PEX5L: variants seen among roughly 807,000 people sequenced by gnomAD.
PEX5L encodes the protein peroxisomal biogenesis factor 5 like.
In PEX5L, 30 loss-of-function variants were observed where a neutral mutation model predicts 84.0. That is an observed-to-expected ratio of 0.36 (90% CI 0.27 to 0.48). The LOEUF (loss-of-function observed/expected upper bound fraction) is 0.48. PEX5L is among the 20% of genes least tolerant of loss of function. The pLI, the probability that PEX5L is intolerant of heterozygous loss-of-function variation, is 0.99. For missense variants in PEX5L, 533 were observed against 754.6 expected (o/e 0.71, Z 3.44); for synonymous variants, 270 against 283.1 (o/e 0.95, Z 0.46).
chr3:179,860,236 G>A (rs1745550062), intron 7 of PEX5L, among the ~76,000 whole-genome samples: 1 of 152,234 alleles, frequency 6.6e-6, no homozygotes, highest in African/African-American at 2.4e-5. Context: ...CAAGGGATGA[G>A]TGCCCACATA....
At chr3:179,903,739 G>C (rs536014169) in intron 2 of PEX5L, among the ~76,000 whole-genome samples, 25 of 152,172 alleles carry the variant, frequency 1.6e-4, no homozygotes, top group Admixed American at 1.3e-3. Flanking sequence ...GAAAAGGTCA[G>C]GGCAATATTT....
intron 7 of PEX5L, among the ~76,000 whole-genome samples, chr3:179,872,147 G>C (rs1022042372): frequency 6.6e-6 from 1 of 152,172 alleles, no homozygotes; most frequent in Non-Finnish European, 1.5e-5. Context: ...GCCTACCAAA[G>C]TGTTGGGATT....
At chr3:179,971,020 T>C (rs1424325427) in intron 2 of PEX5L, among the ~76,000 whole-genome samples, 2 of 152,178 alleles carry the variant, frequency 1.3e-5, no homozygotes, top group Non-Finnish European at 2.9e-5. Context: ...CATTTCACCT[T>C]ATGGGCCCAT....
chr3:179,875,524 G>C (rs372235743), intron 5 of PEX5L, 47 bp from the exon 6 acceptor site: 37 of 1,551,746 alleles, frequency 2.4e-5, no homozygotes, highest in Non-Finnish European at 3.3e-5. Context: ...GGCAGGGCGG[G>C]GTAGGGGGAG....
chr3:180,036,387 C>A (rs1349686397), intron 1 of PEX5L, among the ~76,000 whole-genome samples, 192 bp downstream of exon 1: 1 of 152,136 alleles, frequency 6.6e-6, no homozygotes, highest in Admixed American at 6.5e-5. Flanking sequence ...TGAGGTCTTC[C>A]CTCCCCTTCT....
chr3:180,010,698 T>C (rs1049279662), intron 1 of PEX5L, among the ~76,000 whole-genome samples: 3 of 151,934 alleles, frequency 2.0e-5, no homozygotes, highest in Non-Finnish European at 4.4e-5. Flanking sequence ...CCTTCTCATC[T>C]AGTATCAATC....
At chr3:179,924,929 A>G (rs1315593840) in intron 2 of PEX5L, among the ~76,000 whole-genome samples, 1 of 152,224 alleles carries the variant, frequency 6.6e-6, no homozygotes, top group African/African-American at 2.4e-5. Flanking sequence ...GCAATCAAAC[A>G]AATATAATAA....
intron 2 of PEX5L, among the ~76,000 whole-genome samples, chr3:179,907,583 A>C (rs1763703563): frequency 6.6e-6 from 1 of 152,128 alleles, no homozygotes; most frequent in South Asian, 2.1e-4. Flanking sequence ...CATTGTGCTG[A>C]GATTACAGGC....
intron 8 of PEX5L, among the ~76,000 whole-genome samples, chr3:179,833,004 G>A (rs1228815678): frequency 6.6e-6 from 1 of 152,216 alleles, no homozygotes; most frequent in Non-Finnish European, 1.5e-5. Context: ...GGAGTGGAGT[G>A]GGGAAAGGAA....
chr3:180,001,351 T>C (rs1354929703), intron 1 of PEX5L, among the ~76,000 whole-genome samples: 1 of 148,108 alleles, frequency 6.8e-6, no homozygotes, highest in African/African-American at 2.5e-5. Context: ...AAATATATAA[T>C]ATATATGGAT....
chr3:179,838,959 G>A (rs772760457), intron 8 of PEX5L, among the ~76,000 whole-genome samples: 9 of 151,634 alleles, frequency 5.9e-5, no homozygotes, highest in Non-Finnish European at 1.0e-4. Flanking sequence ...AAATGTATTC[G>A]TTGTTATGGA....
chr3:179,910,166 G>T (rs1297558662), intron 2 of PEX5L, among the ~76,000 whole-genome samples: 1 of 152,170 alleles, frequency 6.6e-6, no homozygotes, highest in Non-Finnish European at 1.5e-5. Context: ...TTGAAAACCA[G>T]AAATTTGGAA....
chr3:179,895,733 T>C (rs1759052667), intron 3 of PEX5L: 1 of 152,094 alleles, frequency 6.6e-6, no homozygotes, highest in Non-Finnish European at 1.5e-5. Flanking sequence ...AGTTCTAGAA[T>C]ATGGGATTAT....
chr3:179,929,439 C>A (rs983039681), intron 2 of PEX5L, among the ~76,000 whole-genome samples: 1 of 151,252 alleles, frequency 6.6e-6, no homozygotes. Flanking sequence ...TTCTGTATTA[C>A]ATTTATTTTA....
Position 179,945,887 on chromosome 3 carries a change from CTT to C in PEX5L, c.93+25705_93+25706del, listed in dbSNP as rs1246317237. On this transcript the variant is annotated intron_variant, in intron 2 of 14. Transcript: ENST00000467460. ...AGGTCACGCAGTATATTTCATGCCT[CTT>C]GTGTGTGGTTGCAGAGGGAAATGGC... is the stretch of plus-strand genomic sequence containing the variant. Among the ~76,000 whole-genome samples the C allele has an allele frequency of 2.6e-5, 4 of 152,094 alleles. No individual in the cohort carries two copies. In the East Asian group the frequency reaches 7.7e-4, roughly 29 times the overall value.
Position 179,800,060 on chromosome 3 carries a change from A to G in PEX5L, c.*1768T>C, listed in dbSNP as rs1265302960. 1 of 152,186 alleles carries G rather than the reference A, an allele frequency of 6.6e-6. No individual in the cohort carries two copies. Among genetic ancestry groups the G allele is most frequent in the Non-Finnish European group, 1.5e-5 (1 of 68,026 alleles). 9.4% of individuals were successfully genotyped at this position (152,186 alleles called of 1,614,324 possible). ...TTTATAAACTAGAATAGGTTATAACATATGTAAGCCTCAAGGACTTGTGGT... is the reference window on the plus strand; with the variant it reads ...TTTATAAACTAGAATAGGTTATAACGTATGTAAGCCTCAAGGACTTGTGGT... On this transcript the variant is annotated 3_prime_UTR_variant, in exon 15 of 15. Coordinates refer to ENST00000467460, the MANE Select transcript of PEX5L (RefSeq NM_016559.3).
chr3:179,829,323 A>T (rs1025559667), intron 8 of PEX5L, among the ~76,000 whole-genome samples: 10 of 152,198 alleles, frequency 6.6e-5, no homozygotes, highest in African/African-American at 2.4e-4. Context: ...ATGACCAAAA[A>T]CTTTTAAGTT....
In PEX5L at chr3:179,827,784, C is replaced by T. The variant is rs143579719; in HGVS notation, c.823-7808G>A. Among the ~76,000 whole-genome samples, 557 of 152,272 alleles carry T rather than the reference C, an allele frequency of 3.7e-3. 4 individuals are homozygous for T. The highest frequency in any genetic ancestry group is 0.013 in the African/African-American group (539 of 41,546). ...GAACAGAGTTCTGTGGCCAAATGAG[C>T]TTCAGCTACTTTAGGTTAAGCTAAA... On this transcript the variant is annotated intron_variant, in intron 8 of 14. Coordinates refer to ENST00000467460, the MANE Select transcript of PEX5L (RefSeq NM_016559.3).
At chr3:180,015,090 A>C (rs1355104354) in intron 1 of PEX5L, among the ~76,000 whole-genome samples, 1 of 152,210 alleles carries the variant, frequency 6.6e-6, no homozygotes, top group Non-Finnish European at 1.5e-5. Flanking sequence ...GAAACAGATG[A>C]AGTGCTGTGG....
Sources: gnomAD v4.1 joint callset for allele counts (sites outside exome capture counted in the v4.1 genomes callset) on GRCh38, gnomAD v4.1.1 for gene constraint, MANE v1.5 for transcripts, NCBI Gene and HGNC (gene_info 2026-07-23, HGNC 2026-07-21) for gene names.